The following PKNOX2 variants were observed in gnomAD, a reference collection of about 807,000 sequenced individuals.
PKNOX2 encodes homeobox protein PKNOX2.
A neutral mutation model predicts 53.1 loss-of-function variants in PKNOX2; 14 were observed. The observed-to-expected ratio is 0.26, with a 90% CI of 0.17 to 0.41. The LOEUF (loss-of-function observed/expected upper bound fraction) is 0.41. Ranked by LOEUF, PKNOX2 falls within the 10% of genes least tolerant of loss-of-function variation. The pLI is 1.00. For missense variants in PKNOX2, 496 were observed against 602.8 expected (o/e 0.82, Z 1.85); for synonymous variants, 257 against 242.8 (o/e 1.06, Z -0.54).
intron 6 of PKNOX2, among the ~76,000 whole-genome samples, chr11:125,396,614 A>G (rs1432891664): frequency 2.0e-5 from 3 of 152,180 alleles, no homozygotes; most frequent in Admixed American, 2.0e-4. Flanking sequence ...AGCTTAGAAA[A>G]TATTCACTGT....
At chr11:125,365,998 TG>T (rs771720992) in intron 4 of PKNOX2, among the ~76,000 whole-genome samples, 1 of 152,254 alleles carries the variant, frequency 6.6e-6, no homozygotes, top group Non-Finnish European at 1.5e-5. Context: ...GGAATGAATC[TG>T]GCCCAGATAA....
chr11:125,178,565 C>A (rs75849648), intron 1 of PKNOX2, among the ~76,000 whole-genome samples: 119 of 60,218 alleles, frequency 2.0e-3, no homozygotes, highest in Middle Eastern at 8.5e-3. Flanking sequence ...AAGGAAGGAA[C>A]GAAGGAAGGA....
intron 4 of PKNOX2, among the ~76,000 whole-genome samples, chr11:125,364,927 C>T (rs1472624110): frequency 6.6e-6 from 1 of 152,054 alleles, no homozygotes; most frequent in Non-Finnish European, 1.5e-5. Flanking sequence ...GCTGGTCAGT[C>T]CGACTCTGCT....
At chr11:125,330,307 A>C (rs1330788390) in intron 2 of PKNOX2, 1 of 152,302 alleles carries the variant, frequency 6.6e-6, no homozygotes, top group Non-Finnish European at 1.5e-5. Context: ...GGAGTCGGTC[A>C]CAGAGTTCAC....
chr11:125,282,733 G>A (rs1341585122), intron 2 of PKNOX2, among the ~76,000 whole-genome samples: 1 of 152,196 alleles, frequency 6.6e-6, no homozygotes, highest in East Asian at 1.9e-4. Context: ...GTGCTGTCCA[G>A]TAAAACGTTT....
At chr11:125,365,689 C>T (rs757466345) in intron 4 of PKNOX2, among the ~76,000 whole-genome samples, 6 of 152,202 alleles carry the variant, frequency 3.9e-5, no homozygotes, top group Non-Finnish European at 8.8e-5. Context: ...AAACCTGCCC[C>T]AAACTGACAT....
intron 7 of PKNOX2, among the ~76,000 whole-genome samples, chr11:125,398,558 C>T (rs1214208293): frequency 6.6e-6 from 1 of 152,232 alleles, no homozygotes; most frequent in Non-Finnish European, 1.5e-5. Context: ...TCCAGGCACT[C>T]ACGCTACTCT....
chr11:125,171,296 C>T (rs533141821), intron 1 of PKNOX2, among the ~76,000 whole-genome samples: 11 of 152,144 alleles, frequency 7.2e-5, no homozygotes, highest in African/African-American at 1.2e-4. Flanking sequence ...TCTGTGTCCC[C>T]GGCACAGTCC....
chr11:125,397,699 G>A lies in PKNOX2; in HGVS notation c.400-175G>A, dbSNP rs1194244118. Among the ~76,000 whole-genome samples the A allele has an allele frequency of 3.3e-5, 5 of 152,208 alleles. No homozygotes were observed. In the South Asian group the frequency reaches 8.3e-4, roughly 25 times the overall value. ...GCCATCATTAGAACTGAAGTCATGG[G>A]GATGAGAAGGCACCGCCTACCACTT... On this transcript the variant is annotated intron_variant, in intron 6 of 12. Transcript: ENST00000298282.
chr11:125,279,877 CAA>C (rs1433227124), intron 2 of PKNOX2, among the ~76,000 whole-genome samples: 1 of 152,158 alleles, frequency 6.6e-6, no homozygotes, highest in Non-Finnish European at 1.5e-5. Context: ...CTAAATCAAA[CAA>C]TGCGGTTGCC....
At position 125,422,989 on chromosome 11, in the gene PKNOX2, C is replaced by T. The variant is rs1246077569; in HGVS notation, c.937-6023C>T. 2.0e-5 allele frequency among the ~76,000 whole-genome samples: 3 copies of T among 151,856 alleles called. No individual in the cohort carries two copies. Among genetic ancestry groups the T allele is most frequent in the Non-Finnish European group, 2.9e-5 (2 of 68,012 alleles). On this transcript the variant is annotated intron_variant, in intron 10 of 12. Transcript: ENST00000298282. This position sits in a 1 kb window ranked among gnomAD's most constrained non-coding sequence, Gnocchi z 4.1. ...AACAAACACAGAGTACACTAAGCAC[C>T]GTTCTAAATAGCTTTCGTATATTAA...
At chr11:125,314,268 C>A (rs1949008886) in intron 2 of PKNOX2, among the ~76,000 whole-genome samples, 1 of 152,122 alleles carries the variant, frequency 6.6e-6, no homozygotes, top group African/African-American at 2.4e-5. Context: ...CTCAGAGCAC[C>A]TGCAGTGCGG....
intron 2 of PKNOX2, among the ~76,000 whole-genome samples, chr11:125,272,869 G>A (rs905188457): frequency 2.0e-5 from 3 of 152,180 alleles, no homozygotes; most frequent in African/African-American, 4.8e-5. Flanking sequence ...GCCTCACCAC[G>A]CCTTGTTTCA....
intron 10 of PKNOX2, among the ~76,000 whole-genome samples, chr11:125,415,533 C>T (rs1404201816): frequency 1.3e-5 from 2 of 151,948 alleles, no homozygotes; most frequent in African/African-American, 2.4e-5. Context: ...TTTATTCTTA[C>T]AGGACGAAGG....
chr11:125,262,716 G>GA (rs1944963821), intron 2 of PKNOX2, among the ~76,000 whole-genome samples: 1 of 152,058 alleles, frequency 6.6e-6, no homozygotes, highest in South Asian at 2.1e-4. Context: ...AACTAGCTGG[G>GA]GGAGGGAGGT....
intron 2 of PKNOX2, among the ~76,000 whole-genome samples, chr11:125,255,677 G>C (rs1299846971): frequency 1.3e-5 from 2 of 151,958 alleles, no homozygotes; most frequent in African/African-American, 4.8e-5. Flanking sequence ...GTCACATGCG[G>C]GGTGACGTAC....
At position 125,215,098 on chromosome 11, in the gene PKNOX2, G is replaced by A. The variant is rs150261904; in HGVS notation, c.-200-19947G>A. 4.0e-3 allele frequency among the ~76,000 whole-genome samples: 602 copies of A among 152,176 alleles called. 5 individuals carry two copies. The highest frequency in any genetic ancestry group is 0.013 in the African/African-American group (558 of 41,530). On this transcript the variant is annotated intron_variant, in intron 1 of 12. Transcript: ENST00000298282. ...AGCTTTCTCCTCTTGTTTTGGCAGC[G>A]TTGCTAGGTCCTGGGAGGGGAAGGC... is the stretch of plus-strand genomic sequence containing the variant.
chr11:125,347,863 T>C (rs1002176900), intron 3 of PKNOX2, among the ~76,000 whole-genome samples: 1 of 152,334 alleles, frequency 6.6e-6, no homozygotes, highest in East Asian at 1.9e-4. Flanking sequence ...CTGTTCGCGA[T>C]GGGAAATCTC....
intron 6 of PKNOX2, among the ~76,000 whole-genome samples, chr11:125,391,452 T>A (rs1954048049): frequency 6.6e-6 from 1 of 152,188 alleles, no homozygotes; most frequent in Non-Finnish European, 1.5e-5. Context: ...GTATGAGGAA[T>A]TGACATTTCC....
Sources: allele counts gnomAD v4.1 joint callset (sites outside exome capture counted in the v4.1 genomes callset), GRCh38; gene constraint gnomAD v4.1.1; non-coding constraint Gnocchi (gnomAD v3.1); transcripts MANE v1.5; gene names NCBI Gene and HGNC (gene_info 2026-07-23, HGNC 2026-07-21).